Variants in RARB observed in about 807,000 individuals in gnomAD.
The protein encoded by RARB is HBV-activated protein.
RARB carries 17 observed loss-of-function variants against 51.9 expected under a neutral mutation model. The observed-to-expected ratio is 0.33, with a 90% CI of 0.22 to 0.49. The LOEUF (loss-of-function observed/expected upper bound fraction) is 0.49, where lower values mean the gene tolerates loss of function less well. RARB is among the 20% of genes least tolerant of loss of function. The pLI, the probability that RARB is intolerant of heterozygous loss-of-function variation, is 0.99. For missense variants in RARB, 369 were observed against 550.8 expected (o/e 0.67, Z 3.30); for synonymous variants, 215 against 195.4 (o/e 1.10, Z -0.84).
At chr3:25,016,838 C>T (rs369174934) in intron 2 of RARB, among the ~76,000 whole-genome samples, 2 of 152,098 alleles carry the variant, frequency 1.3e-5, no homozygotes, top group Admixed American at 1.3e-4. Flanking sequence ...ATAACACTTA[C>T]AAGAACAAAC....
rs113457839 is a variant in RARB at position 25,235,722 on chromosome 3, G to A, written c.178+61147G>A. ...TAGGGCAGAATGAAGACATGCGTGCGAGCACACATACACAAACACAGGAGA... is the reference window on the plus strand; with the variant it reads ...TAGGGCAGAATGAAGACATGCGTGCAAGCACACATACACAAACACAGGAGA... On this transcript the variant is annotated intron_variant, in intron 5 of 11. Transcript: ENST00000383772. Among the ~76,000 whole-genome samples, 861 of 152,214 alleles carry A rather than the reference G, an allele frequency of 5.7e-3. 14 individuals are homozygous for A. The highest frequency in any genetic ancestry group is 0.018 in the African/African-American group (761 of 41,542).
chr3:24,955,216 C>G (rs1014014153), intron 2 of RARB, among the ~76,000 whole-genome samples: 1 of 152,170 alleles, frequency 6.6e-6, no homozygotes, highest in African/African-American at 2.4e-5. Flanking sequence ...AGGTAAAGCC[C>G]AGCTGTCTCT....
At chr3:25,377,071 A>G (rs1706483983) in intron 5 of RARB, among the ~76,000 whole-genome samples, 1 of 152,170 alleles carries the variant, frequency 6.6e-6, no homozygotes, top group African/African-American at 2.4e-5. Flanking sequence ...CTGAGTGATT[A>G]ATAACCCATC....
intron 5 of RARB, among the ~76,000 whole-genome samples, chr3:25,356,553 C>G (rs545371214): frequency 3.0e-4 from 46 of 151,806 alleles, no homozygotes; most frequent in Middle Eastern, 3.4e-3. Flanking sequence ...CTGGGATACA[C>G]GTGCAGAATG....
chr3:25,070,114 C>T (rs1457009603), intron 3 of RARB, among the ~76,000 whole-genome samples: 2 of 152,134 alleles, frequency 1.3e-5, no homozygotes, highest in Non-Finnish European at 2.9e-5. Flanking sequence ...TATTGGGTTC[C>T]TTGGCTTTGC....
rs116644157 is a variant in RARB at position 25,491,083 on chromosome 3, C to A, written c.307-10099C>A. Among the ~76,000 whole-genome samples the A allele has an allele frequency of 4.2e-3, 638 of 152,312 alleles. 2 individuals are homozygous for A. The highest frequency in any genetic ancestry group is 0.015 in the African/African-American group (613 of 41,566). ...TTGGGTAACTACTCAACCTCATACTCTTCACCTTCTTTTTAAGTCACCTTT... is the reference window on the plus strand; with the variant it reads ...TTGGGTAACTACTCAACCTCATACTATTCACCTTCTTTTTAAGTCACCTTT... On this transcript the variant is annotated intron_variant, in intron 2 of 7. Transcript: ENST00000330688.
At chr3:25,454,675 C>T (rs2125546419) in intron 1 of RARB, among the ~76,000 whole-genome samples, 1 of 146,668 alleles carries the variant, frequency 6.8e-6, no homozygotes, top group East Asian at 2.2e-4. Context: ...CGTAAATTAG[C>T]TCTCACAAAG....
chr3:25,402,082 T>G (rs1274566814), intron 5 of RARB, among the ~76,000 whole-genome samples: 2 of 152,032 alleles, frequency 1.3e-5, no homozygotes, highest in Non-Finnish European at 1.5e-5. Flanking sequence ...AGCCTGAAAA[T>G]TTTCAACATA....
At chr3:24,888,216 A>C (rs1346818148) in intron 2 of RARB, among the ~76,000 whole-genome samples, 1 of 152,204 alleles carries the variant, frequency 6.6e-6, no homozygotes, top group Non-Finnish European at 1.5e-5. Context: ...TTTATAAAGC[A>C]TAATAACTAT....
upstream of RARB, among the ~76,000 whole-genome samples, chr3:25,425,377 C>T (rs917172345): frequency 2.0e-5 from 3 of 152,118 alleles, no homozygotes; most frequent in Non-Finnish European, 2.9e-5. Context: ...TAAGCATTTA[C>T]TGATGAAGAA....
chr3:24,877,346 C>CTATTTTTTTTTTTTTTTTTT (rs1703065941), intron 2 of RARB, among the ~76,000 whole-genome samples: 1 of 81,892 alleles, frequency 1.2e-5, no homozygotes, highest in African/African-American at 5.1e-5. Context: ...AGCAATCTTA[C>CTATTTTTTTTTTTTTTTTTT]TTTTTTTTTT....
chr3:25,214,851 G>A (rs895430581), intron 5 of RARB, among the ~76,000 whole-genome samples: 5 of 152,170 alleles, frequency 3.3e-5, no homozygotes, highest in African/African-American at 4.8e-5. Flanking sequence ...CATGTAGTTA[G>A]CATAGAAGAA....
chr3:25,083,514 G>T (rs1314076501), intron 3 of RARB, among the ~76,000 whole-genome samples: 1 of 151,888 alleles, frequency 6.6e-6, no homozygotes, highest in African/African-American at 2.4e-5. Flanking sequence ...GTATTTGTCT[G>T]TTGGGGTTTG....
At chr3:25,410,853 C>A (rs1177247682) in intron 5 of RARB, among the ~76,000 whole-genome samples, 1 of 152,196 alleles carries the variant, frequency 6.6e-6, no homozygotes, top group Non-Finnish European at 1.5e-5. Flanking sequence ...CTGCTCGCTG[C>A]CCCAACCCCT....
chr3:25,373,003 G>A (rs1295424633), intron 5 of RARB, among the ~76,000 whole-genome samples: 2 of 152,084 alleles, frequency 1.3e-5, no homozygotes, highest in Non-Finnish European at 2.9e-5. Context: ...GATTAGGAGT[G>A]TTTTTACTGA....
intron 2 of RARB, among the ~76,000 whole-genome samples, chr3:25,012,167 CATTGAACAGGAA>C (rs1697413124): frequency 6.6e-6 from 1 of 152,066 alleles, no homozygotes; most frequent in African/African-American, 2.4e-5. Context: ...CCCCACTAAA[CATTGAACAGGAA>C]ATCAAAGGCA....
At chr3:25,035,578 C>A (rs917208014) in intron 2 of RARB, among the ~76,000 whole-genome samples, 1 of 152,074 alleles carries the variant, frequency 6.6e-6, no homozygotes, top group African/African-American at 2.4e-5. Context: ...TCTCTTAGAA[C>A]TTGAGAGCCC....
At chr3:25,168,175 G>A (rs1205192639) in intron 4 of RARB, among the ~76,000 whole-genome samples, 5 of 152,160 alleles carry the variant, frequency 3.3e-5, no homozygotes, top group Non-Finnish European at 7.4e-5. Flanking sequence ...CTATAATATA[G>A]TAAGCAGAAT....
intron 2 of RARB, among the ~76,000 whole-genome samples, chr3:25,466,294 TCTC>T (rs567934837): frequency 5.1e-4 from 77 of 152,222 alleles, no homozygotes; most frequent in African/African-American, 1.7e-3. Flanking sequence ...TTCAAGCAAT[TCTC>T]CTGCCTCAGC....
Sources: allele counts gnomAD v4.1 joint callset (sites outside exome capture counted in the v4.1 genomes callset), GRCh38; gene constraint gnomAD v4.1.1; transcripts MANE v1.5; gene names NCBI Gene and HGNC (gene_info 2026-07-23, HGNC 2026-07-21).